The following PRH1 variants were observed in gnomAD, a reference collection of about 807,000 sequenced individuals.
PRH1 encodes proline rich protein HaeIII subfamily 1.
PRH1 carries 7 observed loss-of-function variants against 7.9 expected under a neutral mutation model. The observed-to-expected ratio is 0.89, with a 90% confidence interval of 0.50 to 1.67. PRH1 has a LOEUF of 1.67. Ranked by LOEUF, PRH1 falls within the 40% of genes most tolerant of loss-of-function variation. The pLI, the probability that PRH1 is intolerant of heterozygous loss-of-function variation, is 0.00. For missense variants in PRH1, 109 were observed against 223.6 expected (o/e 0.49, Z 3.27); for synonymous variants, 45 against 80.8 (o/e 0.56, Z 2.38).
At chr12:11,031,494 C>CA in intron 1 of PRH1, 1 of 768,540 alleles carries the variant, frequency 1.3e-6, no homozygotes, top group Non-Finnish European at 1.9e-6. Context: ...AAAGAGTGAG[C>CA]AACAGCAAGG....
intron 1 of PRH1, among the ~76,000 whole-genome samples, chr12:11,037,110 C>T (rs2136113811): frequency 6.6e-6 from 1 of 152,212 alleles, no homozygotes; most frequent in East Asian, 1.9e-4. Context: ...GAAACACGAC[C>T]TCCAACAATT....
chr12:11,126,022 TTATTA>T (rs1329610151), intron 1 of PRH1, among the ~76,000 whole-genome samples: 4 of 152,252 alleles, frequency 2.6e-5, no homozygotes, highest in Non-Finnish European at 4.4e-5. Flanking sequence ...ATTCATTCAT[TTATTA>T]TATGATTCTG....
chr12:10,950,338 T>A (rs955326691), intron 2 of PRH1, among the ~76,000 whole-genome samples: 8 of 152,094 alleles, frequency 5.3e-5, no homozygotes, highest in African/African-American at 1.7e-4. Context: ...AGGAGAAGTG[T>A]CTGAAAATTG....
intron 1 of PRH1, among the ~76,000 whole-genome samples, chr12:11,143,050 C>G (rs1005260758): frequency 2.0e-5 from 3 of 152,084 alleles, no homozygotes; most frequent in African/African-American, 7.2e-5. Flanking sequence ...AAAACACAGA[C>G]TAGTATAACA....
At chr12:10,919,238 A>C (rs2135843988) in intron 2 of PRH1, among the ~76,000 whole-genome samples, 1 of 152,308 alleles carries the variant, frequency 6.6e-6, no homozygotes, top group South Asian at 2.1e-4. Flanking sequence ...AGATGGAAAA[A>C]TCTATCTCAC....
intron 1 of PRH1, among the ~76,000 whole-genome samples, chr12:11,031,606 G>A (rs1942222231): frequency 6.6e-6 from 1 of 151,472 alleles, no homozygotes; most frequent in African/African-American, 2.4e-5. Flanking sequence ...TCCCTTATTT[G>A]TCCCCTCCCA....
At chr12:11,087,379 C>A (rs1367225423) in intron 1 of PRH1, among the ~76,000 whole-genome samples, 1 of 117,524 alleles carries the variant, frequency 8.5e-6, no homozygotes, top group Non-Finnish European at 2.0e-5. Context: ...CAGGCATGAG[C>A]CATGACATCC....
At position 10,945,259 on chromosome 12, in the gene PRH1, A is replaced by G. The variant is rs147865196; in HGVS notation, c.-59+28396T>C. Among the ~76,000 whole-genome samples the G allele has an allele frequency of 3.7e-3, 562 of 152,232 alleles. 2 individuals carry two copies. Among genetic ancestry groups the G allele is most frequent in the African/African-American group, 0.013 (525 of 41,534 alleles). ...TCATTATTGGTCTGTGCAGGGAACA[A>G]ATTTCTTCCTGGTTCAGTCTTGGGA... On this transcript the variant is annotated intron_variant, in intron 2 of 3. Coordinates refer to the PRH1 transcript ENST00000539853.
chr12:10,957,366 GA>G (rs1189466167), intron 2 of PRH1, among the ~76,000 whole-genome samples: 4 of 152,192 alleles, frequency 2.6e-5, no homozygotes, highest in African/African-American at 9.6e-5. Flanking sequence ...GCCATGTGCA[GA>G]AGATGGAAAC....
At chr12:11,085,827 A>G (rs1219179441) in intron 1 of PRH1, among the ~76,000 whole-genome samples, 1 of 120,728 alleles carries the variant, frequency 8.3e-6, no homozygotes, top group African/African-American at 2.8e-5. Flanking sequence ...GTGTTCAGCA[A>G]TGTCGGTTGT....
chr12:10,932,853 A>G (rs774921902), intron 2 of PRH1, among the ~76,000 whole-genome samples: 1 of 152,170 alleles, frequency 6.6e-6, no homozygotes, highest in Non-Finnish European at 1.5e-5. Flanking sequence ...TTTACACAAT[A>G]GTCAGAAAAC....
chr12:11,049,112 GA>G, upstream of PRH1: 1 of 422,314 alleles, frequency 2.4e-6, no homozygotes, highest in Non-Finnish European at 4.3e-6. Context: ...CCAGAGCAGT[GA>G]GAAATTTGGT....
At chr12:10,927,001 G>A (rs756605166) in intron 2 of PRH1, among the ~76,000 whole-genome samples, 8 of 152,168 alleles carry the variant, frequency 5.3e-5, no homozygotes, top group Non-Finnish European at 1.2e-4. Context: ...CTCCCAGACA[G>A]TGTCCCTTTC....
chr12:11,131,162 A>G (rs541300248), intron 1 of PRH1, among the ~76,000 whole-genome samples: 4 of 152,334 alleles, frequency 2.6e-5, no homozygotes, highest in African/African-American at 9.6e-5. Context: ...CAGAAGACTA[A>G]CGACAGCTGA....
intron 1 of PRH1, among the ~76,000 whole-genome samples, chr12:11,109,665 G>T (rs1945531529): frequency 6.6e-6 from 1 of 152,082 alleles, no homozygotes. Context: ...CCCATCTGAA[G>T]ATCACCAACA....
At chr12:11,056,817 C>T (rs1591911305) in intron 1 of PRH1, among the ~76,000 whole-genome samples, 1 of 145,440 alleles carries the variant, frequency 6.9e-6, no homozygotes. Flanking sequence ...GACTCCGTCT[C>T]GAGAAAACAA....
chr12:10,885,612 G>A (rs1291035016), upstream of PRH1, among the ~76,000 whole-genome samples: 1 of 152,208 alleles, frequency 6.6e-6, no homozygotes, highest in Non-Finnish European at 1.5e-5. Context: ...CAGAGTCCTG[G>A]TTTTGTCGCT....
At chr12:10,900,141 A>T (rs987913367) in intron 2 of PRH1, among the ~76,000 whole-genome samples, 2 of 152,150 alleles carry the variant, frequency 1.3e-5, no homozygotes, top group Non-Finnish European at 2.9e-5. Flanking sequence ...AGCCCCCATG[A>T]TGGCACCCAG....
chr12:11,119,042 T>C (rs1175716362), downstream of PRH1, among the ~76,000 whole-genome samples: 1 of 144,744 alleles, frequency 6.9e-6, no homozygotes, highest in Non-Finnish European at 1.5e-5. Flanking sequence ...ATGTGGTACA[T>C]ATACACAGTG....
Sources: gnomAD v4.1 joint callset for allele counts (sites outside exome capture counted in the v4.1 genomes callset) on GRCh38, gnomAD v4.1.1 for gene constraint, MANE v1.5 for transcripts, NCBI Gene and HGNC (gene_info 2026-07-23, HGNC 2026-07-21) for gene names.